Variants in SH3TC1 observed in about 807,000 individuals in gnomAD.
The protein encoded by SH3TC1 is SH3 domain and tetratricopeptide repeat-containing protein 1.
SH3TC1 carries 135 observed loss-of-function variants against 117.3 expected under a neutral mutation model. That is an observed-to-expected ratio of 1.15 (90% CI 1.00 to 1.33). The LOEUF (loss-of-function observed/expected upper bound fraction) is 1.33, where lower values mean the gene tolerates loss of function less well. SH3TC1 is among the 40% of genes most tolerant of loss of function. The probability of loss-of-function intolerance (pLI) is 0.00; values close to 1 mark genes in which losing one functional copy is unlikely to be tolerated. For missense variants in SH3TC1, 2,092 were observed against 1,794.3 expected (o/e 1.17, Z -3.00); for synonymous variants, 898 against 816.9 (o/e 1.10, Z -1.69).
intron 5 of SH3TC1, 76 bp downstream of exon 5, chr4:8,214,656 AT>A: frequency 9.2e-7 from 1 of 1,088,744 alleles, no homozygotes; most frequent in Non-Finnish European, 1.4e-6. Flanking sequence ...GTGCACTTAG[AT>A]TACAAACTGG....
Position 8,200,261 on chromosome 4 carries a change from T to C in SH3TC1, c.-29+856T>C, listed in dbSNP as rs974175112. Among the ~76,000 whole-genome samples the C allele has an allele frequency of 6.0e-4, 92 of 152,210 alleles. 1 individual carries two copies. Among genetic ancestry groups the C allele is most frequent in the Admixed American group, 5.6e-3 (86 of 15,292 alleles). On this transcript the variant is annotated intron_variant, in intron 1 of 17. Coordinates refer to ENST00000245105, the MANE Select transcript of SH3TC1 (RefSeq NM_018986.5). ...CCAGGCAGCGGGGCTGCGGCTGAGC[T>C]TGTGGCTGGAGGCAAGGCTGGGCCC...
At chr4:8,232,308 TG>T in intron 13 of SH3TC1, 152 bp downstream of exon 13, 1 of 1,479,396 alleles carries the variant, frequency 6.8e-7, no homozygotes, top group Non-Finnish European at 9.2e-7. Flanking sequence ...CTGGGGGGCC[TG>T]GGGTTGTCCC....
chr4:8,218,111 C>A, intron 7 of SH3TC1, 160 bp from the exon 8 acceptor site: 1 of 507,624 alleles, frequency 2.0e-6, no homozygotes, highest in South Asian at 3.2e-5. Flanking sequence ...CACACCTGGG[C>A]AGGCATGTGT....
intron 4 of SH3TC1, among the ~76,000 whole-genome samples, chr4:8,214,065 C>T (rs532189080): frequency 9.9e-5 from 15 of 152,008 alleles, no homozygotes; most frequent in Admixed American, 8.5e-4. Flanking sequence ...GGGATGCTGG[C>T]GGGGGGATGG....
rs779606302 is a variant in SH3TC1 at position 8,227,714 on chromosome 4, C to A, written c.2020C>A (p.His674Asn). Residue 674 changes from histidine (H) to asparagine (N), a missense_variant, in exon 12 of 18, where the codon CAC becomes AAC. His to Asn is a moderately conservative substitution (Grantham distance 68, BLOSUM62 1). Transcript: ENST00000245105. The stretch of plus-strand genomic sequence containing the variant: ...CCGGGCCTGCTTCCTGCTGGCCAGG[C>A]ACCACGTGCACCTCAAGCAGCCCGA... ...EARACFLLARHHVHLKQPEEA... is the reference protein window; with the variant it reads ...EARACFLLARNHVHLKQPEEA... 3.8e-6 allele frequency: 6 copies of A among 1,576,748 alleles called. No individual in the cohort carries two copies. In the Admixed American group the frequency reaches 5.2e-5, roughly 14 times the overall value.
At position 8,227,627 on chromosome 4, in the gene SH3TC1, G is replaced by T. The variant is rs754059522; in HGVS notation, c.1933G>T (p.Gly645Trp). 119 of 1,525,460 alleles carry T rather than the reference G, an allele frequency of 7.8e-5. No homozygotes were observed. Among genetic ancestry groups the T allele is most frequent in the Non-Finnish European group, 9.8e-5 (112 of 1,139,784 alleles). 94.5% of individuals were successfully genotyped at this position (1,525,460 alleles called of 1,614,324 possible). A position where few individuals can be genotyped will look rare whatever the true frequency, so the allele number is the denominator to read the frequency against. Residue 645 changes from glycine (G) to tryptophan (W), a missense_variant, in exon 12 of 18, where the codon GGG (glycine) becomes TGG (tryptophan). Coordinates refer to ENST00000245105, the MANE Select transcript of SH3TC1 (RefSeq NM_018986.5). Reference sequence around the variant, plus strand: ...CCACATCTGCAGCACCGAGGCGGAGGGGGAGCTCCTGCAGCTGGCGCTGCG... The same window carrying T: ...CCACATCTGCAGCACCGAGGCGGAGTGGGAGCTCCTGCAGCTGGCGCTGCG... ...PDHICSTEAEGELLQLALRRA... is the reference protein window; with the variant it reads ...PDHICSTEAEWELLQLALRRA...
intron 1 of SH3TC1, among the ~76,000 whole-genome samples, chr4:8,187,457 G>A (rs574359804): frequency 2.6e-5 from 4 of 152,170 alleles, no homozygotes; most frequent in African/African-American, 7.2e-5. Context: ...TCTTTTGCCC[G>A]GGGGGGTCTG....
chr4:8,227,424 C>G lies in SH3TC1; in HGVS notation c.1730C>G (p.Ser577Cys), dbSNP rs957460382. 6 of 1,555,450 alleles carry G rather than the reference C, an allele frequency of 3.9e-6. No individual in the cohort carries two copies. The African/African-American group carries it at 8.2e-5, about 21-fold the overall frequency. Residue 577 changes from serine to cysteine, a missense_variant, in exon 12 of 18, where the codon TCC becomes TGC. Ser to Cys is a moderately radical substitution (Grantham distance 112). Coordinates refer to ENST00000245105, the MANE Select transcript of SH3TC1 (RefSeq NM_018986.5). Reference protein sequence around the residue: ...GRLCSRRLKLSQARVYFEEAL... With the variant: ...GRLCSRRLKLCQARVYFEEAL... ...CTGTGCAGCAGGAGGCTCAAGCTGT[C>G]CCAGGCCCGGGTGTACTTTGAGGAA...
chr4:8,219,982 C>G (rs1431533221), intron 9 of SH3TC1, among the ~76,000 whole-genome samples: 1 of 152,192 alleles, frequency 6.6e-6, no homozygotes, highest in Non-Finnish European at 1.5e-5. Context: ...GGCCACATCA[C>G]TGCACTCTGC....
At position 8,212,776 on chromosome 4, in the gene SH3TC1, G is replaced by A; in HGVS notation, c.323G>A (p.Gly108Asp). 1 of 1,610,578 alleles carries A rather than the reference G, an allele frequency of 6.2e-7. No homozygotes were observed. The highest frequency in any genetic ancestry group is 8.5e-7 in the Non-Finnish European group (1 of 1,178,996). The stretch of plus-strand genomic sequence containing the variant: ...CCCGGCCTACAGCAGACCCTCCGGG[G>A]CCAGCTCCGCCTGCTGGAGAATGAT... ...RDPGLQQTLR[G>D]QLRLLENDSR... is the part of the protein sequence containing the mutation. Residue 108 changes from glycine to aspartate, a missense_variant, in exon 4 of 18, where the codon GGC (glycine) becomes GAC (aspartate). Transcript: ENST00000245105.
At position 8,216,958 on chromosome 4, in the gene SH3TC1, GC is replaced by G; in HGVS notation, c.633del (p.Phe212SerfsTer10). 1 of 1,614,078 alleles carries G rather than the reference GC, an allele frequency of 6.2e-7. No individual in the cohort carries two copies. Among genetic ancestry groups the G allele is most frequent in the Non-Finnish European group, 8.5e-7 (1 of 1,179,978 alleles). On this transcript the variant is annotated frameshift_variant and splice_region_variant, in exon 7 of 18. Transcript: ENST00000245105. LOFTEE classifies it high-confidence loss of function. ...GTGACCACCTCCATCCTTTTGAAGG[GC>G]CCTTCTTTGTCCTGTGTCCTGACCA... ...THESLLIQEG[P>X]FFVLCPDHHV...
At position 8,228,425 on chromosome 4, in the gene SH3TC1, G is replaced by A. The variant is rs1157104300; in HGVS notation, c.2731G>A (p.Ala911Thr). Residue 911 changes from alanine (A) to threonine (T), a missense_variant, in exon 12 of 18, where the codon GCC (alanine) becomes ACC (threonine). Physicochemically the swap from Ala to Thr is moderately conservative, Grantham distance 58. Coordinates refer to ENST00000245105, the MANE Select transcript of SH3TC1 (RefSeq NM_018986.5). Reference protein sequence around the residue: ...NQAVGLANFGALCLHAGASRL... With the variant: ...NQAVGLANFGTLCLHAGASRL... ...GGCAGTGGGGCTGGCCAACTTCGGG[G>A]CCCTGTGCCTGCATGCGGGTGCCAG... 6 of 1,605,450 alleles carry A rather than the reference G, an allele frequency of 3.7e-6. No individual in the cohort carries two copies. Among genetic ancestry groups the A allele is most frequent in the Admixed American group, 3.3e-5 (2 of 59,702 alleles).
upstream of SH3TC1, among the ~76,000 whole-genome samples, chr4:8,194,612 G>A (rs1454287871): frequency 6.6e-6 from 1 of 152,206 alleles, no homozygotes; most frequent in Non-Finnish European, 1.5e-5. Flanking sequence ...ACAATCTGGT[G>A]TAAAAGGCAG....
intron 15 of SH3TC1, 159 bp downstream of exon 15, chr4:8,235,714 G>GCC: frequency 9.5e-7 from 1 of 1,051,398 alleles, no homozygotes; most frequent in African/African-American, 1.6e-5. Flanking sequence ...TATTGACTGT[G>GCC]CCCCCCGCCC....
intron 4 of SH3TC1, 66 bp from the exon 5 acceptor site, chr4:8,214,409 C>A: frequency 5.6e-6 from 8 of 1,438,580 alleles, no homozygotes; most frequent in Middle Eastern, 1.8e-4. Flanking sequence ...CATGTGGACG[C>A]TGTCCTCCTG....
upstream of SH3TC1, among the ~76,000 whole-genome samples, chr4:8,197,845 G>A (rs887499912): frequency 1.1e-4 from 16 of 152,340 alleles, no homozygotes; most frequent in African/African-American, 2.6e-4. Flanking sequence ...TGAGGTAAGC[G>A]TCAGCCCCTG....
intron 10 of SH3TC1, among the ~76,000 whole-genome samples, chr4:8,223,554 C>T (rs2152989443): frequency 6.6e-6 from 1 of 152,214 alleles, no homozygotes; most frequent in South Asian, 2.1e-4. Flanking sequence ...GCATGTCATC[C>T]ACAACATAAA....
In SH3TC1 at chr4:8,228,364, G is replaced by A; in HGVS notation, c.2670G>A (p.Leu890=). 1.2e-6 allele frequency: 2 copies of A among 1,611,646 alleles called. No individual in the cohort carries two copies. The highest frequency in any genetic ancestry group is 1.1e-5 in the South Asian group (1 of 91,042). The part of the protein sequence containing the change: ...RQAAESYYRA[L]RVARDLGQQR... ...CAGCTGAGAGCTACTACCGCGCCCTGCGGGTGGCTCGGGACCTGGGCCAGC... is the reference window on the plus strand; with the variant it reads ...CAGCTGAGAGCTACTACCGCGCCCTACGGGTGGCTCGGGACCTGGGCCAGC... The change falls in exon 12 of 18, where the codon CTG becomes CTA. Residue 890 remains leucine (L), a synonymous_variant. Coordinates refer to ENST00000245105, the MANE Select transcript of SH3TC1 (RefSeq NM_018986.5).
chr4:8,200,650 T>A (rs1717771054), intron 1 of SH3TC1, among the ~76,000 whole-genome samples: 1 of 152,104 alleles, frequency 6.6e-6, no homozygotes, highest in Non-Finnish European at 1.5e-5. Context: ...AGCGCACGGG[T>A]GCGCCGGTTT....
Sources: allele counts gnomAD v4.1 joint callset (sites outside exome capture counted in the v4.1 genomes callset), GRCh38; gene constraint gnomAD v4.1.1; transcripts MANE v1.5; gene names NCBI Gene and HGNC (gene_info 2026-07-23, HGNC 2026-07-21).